PCTP: variants seen among roughly 807,000 people sequenced by gnomAD.
PCTP encodes the protein phosphatidylcholine transfer protein.
PCTP carries 27 observed loss-of-function variants against 31.0 expected under a neutral mutation model. The observed-to-expected ratio is 0.87, with a 90% CI of 0.64 to 1.20. The LOEUF is 1.20. PCTP is among the 50% of genes most tolerant of loss of function. PCTP has a pLI of 0.00. For synonymous variants in PCTP, 108 were observed against 101.2 expected (o/e 1.07, Z -0.40); for missense variants, 287 against 268.2 (o/e 1.07, Z -0.49).
At chr17:55,816,575 C>G (rs1912924328) in intron 3 of PCTP, among the ~76,000 whole-genome samples, 1 of 152,200 alleles carries the variant, frequency 6.6e-6, no homozygotes, top group Admixed American at 6.5e-5. Flanking sequence ...TGTTAATGGT[C>G]TGGACAGTAT....
At chr17:55,849,567 G>A in the PCTP span, among the ~76,000 whole-genome samples, 2 of 152,110 alleles carry the variant, frequency 1.3e-5, no homozygotes, top group African/African-American at 4.8e-5. Flanking sequence ...AGGTTGCAGT[G>A]AGCTCAGATT....
chr17:55,830,674 G>A (rs1266413847), intron 5 of PCTP, among the ~76,000 whole-genome samples: 1 of 152,128 alleles, frequency 6.6e-6, no homozygotes, highest in Non-Finnish European at 1.5e-5. Context: ...AGAAAAACAC[G>A]TGACATTAAT....
chr17:55,775,608 T>C, intron 5 of PCTP: 1 of 1,190,424 alleles, frequency 8.4e-7, no homozygotes, highest in Non-Finnish European at 1.0e-6. Context: ...GGAAAAGTCT[T>C]GCCCAGTGCT....
At chr17:55,814,987 T>C (rs745917682) in intron 3 of PCTP, among the ~76,000 whole-genome samples, 68 of 152,034 alleles carry the variant, frequency 4.5e-4, no homozygotes, top group Non-Finnish European at 7.2e-4. Flanking sequence ...CAGTGAAAAA[T>C]TGTGGCAGAT....
At chr17:55,805,442 T>A (rs1456109525) in intron 3 of PCTP, among the ~76,000 whole-genome samples, 1 of 152,140 alleles carries the variant, frequency 6.6e-6, no homozygotes, top group Non-Finnish European at 1.5e-5. Flanking sequence ...TTCCCACTTA[T>A]AAGTGAGAAC....
At chr17:55,831,406 C>T (rs989604481) in intron 5 of PCTP, among the ~76,000 whole-genome samples, 2 of 152,204 alleles carry the variant, frequency 1.3e-5, no homozygotes, top group African/African-American at 2.4e-5. Flanking sequence ...GAGGGTCACA[C>T]CTGGCTCCAT....
At chr17:55,851,973 G>A in the PCTP span, among the ~76,000 whole-genome samples, 7 of 151,930 alleles carry the variant, frequency 4.6e-5, no homozygotes, top group South Asian at 2.1e-4. Context: ...CTTTTATTAC[G>A]TATATATCAA....
chr17:55,757,519 T>C (rs112705779), intron 1 of PCTP, among the ~76,000 whole-genome samples: 15 of 145,194 alleles, frequency 1.0e-4, no homozygotes, highest in African/African-American at 3.0e-4. Context: ...TGTATATATA[T>C]ACACACACAT....
intron 5 of PCTP, among the ~76,000 whole-genome samples, chr17:55,841,261 C>T (rs138475076): frequency 0.015 from 2,230 of 152,238 alleles, 17 homozygotes; most frequent in Middle Eastern, 0.034. Flanking sequence ...TGGTACTAGA[C>T]GGGTTCACAG....
At chr17:55,813,693 T>C (rs1211980969) in intron 3 of PCTP, among the ~76,000 whole-genome samples, 1 of 152,228 alleles carries the variant, frequency 6.6e-6, no homozygotes, top group Non-Finnish European at 1.5e-5. Flanking sequence ...TCTATTCTTA[T>C]GTAACTGTAA....
intron 3 of PCTP, among the ~76,000 whole-genome samples, chr17:55,817,127 GA>G (rs1284430675): frequency 2.0e-5 from 3 of 152,056 alleles, no homozygotes; most frequent in Admixed American, 2.0e-4. Context: ...GAAAACCCAG[GA>G]AAAAAATACC....
At chr17:55,798,870 A>T (rs1224676938) in intron 3 of PCTP, among the ~76,000 whole-genome samples, 1 of 152,008 alleles carries the variant, frequency 6.6e-6, no homozygotes, top group Non-Finnish European at 1.5e-5. Flanking sequence ...CAGTAATGTT[A>T]TATAAGGTTT....
chr17:55,762,562 A>G (rs1910394822), intron 1 of PCTP, among the ~76,000 whole-genome samples: 1 of 152,166 alleles, frequency 6.6e-6, no homozygotes, highest in Non-Finnish European at 1.5e-5. Flanking sequence ...CAAGTAATAG[A>G]AAATTGGACA....
At chr17:55,788,952 G>T (rs553405269) in intron 3 of PCTP, among the ~76,000 whole-genome samples, 13 of 152,128 alleles carry the variant, frequency 8.5e-5, no homozygotes, top group Non-Finnish European at 1.5e-4. Flanking sequence ...ATAGTAGAAA[G>T]AATACAGACA....
the PCTP span, among the ~76,000 whole-genome samples, chr17:55,850,368 A>G: frequency 6.6e-6 from 1 of 152,220 alleles, no homozygotes; most frequent in Admixed American, 6.5e-5. Flanking sequence ...TGCTTTTTGT[A>G]TAAGGAATAA....
At chr17:55,819,740 C>T (rs911168434) in intron 3 of PCTP, among the ~76,000 whole-genome samples, 1 of 151,940 alleles carries the variant, frequency 6.6e-6, no homozygotes, top group Non-Finnish European at 1.5e-5. Context: ...TGAGACCCTG[C>T]CTAAAAAAAT....
chr17:55,764,606 A>AT (rs1359704173), intron 1 of PCTP, among the ~76,000 whole-genome samples: 2 of 152,090 alleles, frequency 1.3e-5, no homozygotes, highest in Non-Finnish European at 2.9e-5. Flanking sequence ...TTTTACATTC[A>AT]TTTTTTGCCA....
intron 3 of PCTP, among the ~76,000 whole-genome samples, chr17:55,817,675 T>G (rs943748650): frequency 4.6e-5 from 7 of 152,224 alleles, no homozygotes; most frequent in African/African-American, 1.7e-4. Context: ...AAAGTAGCTT[T>G]ATTGTCTGAA....
downstream of PCTP, among the ~76,000 whole-genome samples, chr17:55,845,085 C>CAAAAAAAAA (rs891404386): frequency 0.066 from 2,145 of 32,490 alleles, 346 homozygotes; most frequent in East Asian, 0.12. Flanking sequence ...AAAACTCCAT[C>CAAAAAAAAA]AAAAAAAAAA....
Sources: gnomAD v4.1 joint callset for allele counts (sites outside exome capture counted in the v4.1 genomes callset) on GRCh38, gnomAD v4.1.1 for gene constraint, MANE v1.5 for transcripts, NCBI Gene and HGNC (gene_info 2026-07-23, HGNC 2026-07-21) for gene names.